FGD4: variants seen among roughly 807,000 people sequenced by gnomAD.
FGD4 encodes the protein FYVE, RhoGEF and PH domain-containing protein 4.
A neutral mutation model predicts 102.0 loss-of-function variants in FGD4; 42 were observed. That is an observed-to-expected ratio of 0.41 (90% confidence interval 0.32 to 0.53). FGD4 has a LOEUF of 0.53. Ranked by LOEUF, FGD4 falls within the 20% of genes least tolerant of loss-of-function variation. FGD4 has a pLI of 0.21. For missense variants in FGD4, 902 were observed against 1,078.2 expected (o/e 0.84, Z 2.29); for synonymous variants, 380 against 375.7 (o/e 1.01, Z -0.13).
intron 1 of FGD4, among the ~76,000 whole-genome samples, chr12:32,402,004 G>A (rs1458105642): frequency 6.8e-6 from 1 of 147,508 alleles, no homozygotes; most frequent in Non-Finnish European, 1.5e-5. Flanking sequence ...CCGGGTTCAC[G>A]CCATTCTCCT....
chr12:32,593,589 A>T (rs958583747), intron 4 of FGD4, among the ~76,000 whole-genome samples: 6 of 152,224 alleles, frequency 3.9e-5, no homozygotes, highest in Admixed American at 3.3e-4. Context: ...CATGCTTTGC[A>T]GTCAGCAAAG....
intron 4 of FGD4, among the ~76,000 whole-genome samples, chr12:32,598,195 G>T (rs1948064573): frequency 6.6e-6 from 1 of 152,170 alleles, no homozygotes; most frequent in African/African-American, 2.4e-5. Flanking sequence ...GCCTGAGAAA[G>T]ATGGAAAAAT....
intron 1 of FGD4, among the ~76,000 whole-genome samples, chr12:32,423,011 GCTCTTAAT>G (rs1941698562): frequency 6.6e-6 from 1 of 152,096 alleles, no homozygotes; most frequent in Non-Finnish European, 1.5e-5. Context: ...TTAAACCCCT[GCTCTTAAT>G]CTCTGTACTT....
intron 1 of FGD4, among the ~76,000 whole-genome samples, chr12:32,471,948 TG>T (rs1236954500): frequency 1.3e-5 from 2 of 152,162 alleles, no homozygotes; most frequent in African/African-American, 4.8e-5. Flanking sequence ...TGTGGTTCAT[TG>T]GGGATGATCA....
intron 5 of FGD4, among the ~76,000 whole-genome samples, chr12:32,600,000 A>C (rs971711479): frequency 3.9e-5 from 6 of 152,192 alleles, no homozygotes; most frequent in Non-Finnish European, 1.5e-5. Context: ...AATTTCATGG[A>C]AACAGGCAAT....
chr12:32,561,075 G>GTTTTT (rs1218919677), intron 1 of FGD4, among the ~76,000 whole-genome samples: 7 of 85,184 alleles, frequency 8.2e-5, no homozygotes, highest in Admixed American at 1.8e-4. Context: ...GTTGGGTTTT[G>GTTTTT]TTTTTTTTTT....
At chr12:32,632,207 A>G (rs1950533733) in intron 14 of FGD4, among the ~76,000 whole-genome samples, 1 of 152,268 alleles carries the variant, frequency 6.6e-6, no homozygotes. Context: ...CAATTATTCT[A>G]TAATAGAGAA....
At chr12:32,496,662 A>G (rs1937837158) in intron 1 of FGD4, among the ~76,000 whole-genome samples, 1 of 152,246 alleles carries the variant, frequency 6.6e-6, no homozygotes, top group African/African-American at 2.4e-5. Flanking sequence ...ATAAACATAA[A>G]TATACATATG....
chr12:32,479,845 G>A (rs1943677991), intron 1 of FGD4, among the ~76,000 whole-genome samples: 1 of 134,008 alleles, frequency 7.5e-6, no homozygotes, highest in African/African-American at 2.8e-5. Flanking sequence ...CTGGAGTTCA[G>A]TGGCGCAATC....
chr12:32,579,239 G>T (rs975555237), intron 3 of FGD4, among the ~76,000 whole-genome samples: 1 of 151,840 alleles, frequency 6.6e-6, no homozygotes, highest in Admixed American at 6.6e-5. Context: ...TAGAGACGGG[G>T]TTTCTCCATG....
intron 14 of FGD4, among the ~76,000 whole-genome samples, chr12:32,630,078 T>C (rs1039638904): frequency 6.6e-6 from 1 of 152,194 alleles, no homozygotes; most frequent in Non-Finnish European, 1.5e-5. Context: ...CCCAGCACTG[T>C]CCATCCCAAG....
intron 12 of FGD4, 112 bp from the exon 13 acceptor site, chr12:32,624,864 G>T: frequency 1.1e-6 from 1 of 892,952 alleles, no homozygotes; most frequent in Non-Finnish European, 1.9e-6. Flanking sequence ...ATCAGAACAG[G>T]TTCACTTAAT....
At chr12:32,584,942 G>T (rs1316732447) in intron 4 of FGD4, among the ~76,000 whole-genome samples, 2 of 152,034 alleles carry the variant, frequency 1.3e-5, no homozygotes, top group Non-Finnish European at 2.9e-5. Context: ...AGAGCAGCCG[G>T]GTGCGGTGGC....
chr12:32,413,072 G>T (rs1941271206), intron 1 of FGD4, among the ~76,000 whole-genome samples: 2 of 150,684 alleles, frequency 1.3e-5, no homozygotes, highest in Non-Finnish European at 3.0e-5. Flanking sequence ...GTAAGACTCT[G>T]TCTCCAAAAA....
intron 1 of FGD4, among the ~76,000 whole-genome samples, chr12:32,432,202 G>C (rs998787582): frequency 3.3e-5 from 5 of 151,762 alleles, no homozygotes; most frequent in African/African-American, 1.2e-4. Flanking sequence ...TGGGACTACA[G>C]GCGCCCACCA....
chr12:32,638,740 G>T lies in FGD4; in HGVS notation c.2399G>T (p.Trp800Leu). The T allele has an allele frequency of 1.9e-6, 3 of 1,614,186 alleles. No individual in the cohort carries two copies. The highest frequency in any genetic ancestry group is 2.5e-6 in the Non-Finnish European group (3 of 1,180,026). Residue 800 changes from tryptophan (W) to leucine (L), a missense_variant, in exon 16 of 17, where the codon TGG becomes TTG. Trp to Leu is a moderately conservative substitution (Grantham distance 61). Transcript: ENST00000534526. ...MEKSKPWQKA[W>L]CVIPKQDPLV... ...AAGTCAAAACCTTGGCAGAAAGCTT[G>T]GTGTGTGATCCCCAAGCAAGACCCT...
chr12:32,637,729 G>A (rs769622307), intron 15 of FGD4: 3 of 152,306 alleles, frequency 2.0e-5, no homozygotes, highest in African/African-American at 7.2e-5. Context: ...GGTGGCAAGC[G>A]AGAGTGAGCA....
rs1942681226 is a variant in FGD4, at chr12:32,448,398, C to A, written c.166+48439C>A. Among the ~76,000 whole-genome samples the A allele has an allele frequency of 1.3e-5, 2 of 152,122 alleles. 1 individual carries two copies. The highest frequency in any genetic ancestry group is 4.1e-4 in the South Asian group (2 of 4,826). ...TTGGCTGGGCGCGGGTAGCTCACCCCTGTAATCCTAGCACTTTGGGAGGCT... is the reference window on the plus strand; with the variant it reads ...TTGGCTGGGCGCGGGTAGCTCACCCATGTAATCCTAGCACTTTGGGAGGCT... On this transcript the variant is annotated intron_variant, in intron 1 of 16. Coordinates refer to ENST00000534526, the MANE Select transcript of FGD4 (RefSeq NM_001370298.3).
At chr12:32,623,460 A>G (rs1203185801) in intron 11 of FGD4, among the ~76,000 whole-genome samples, 1 of 152,184 alleles carries the variant, frequency 6.6e-6, no homozygotes, top group East Asian at 1.9e-4. Flanking sequence ...TTCCTGGCAC[A>G]TCATGGTGTT....
Sources: allele counts gnomAD v4.1 joint callset (sites outside exome capture counted in the v4.1 genomes callset), GRCh38; gene constraint gnomAD v4.1.1; transcripts MANE v1.5; gene names NCBI Gene and HGNC (gene_info 2026-07-23, HGNC 2026-07-21).